Variants in DUSP15 observed in about 807,000 individuals in gnomAD.
DUSP15 encodes dual specificity phosphatase 15, also known as dual specificity protein phosphatase 15.
Under a neutral mutation model 26.3 loss-of-function variants are expected in DUSP15, and 23 were observed. The observed-to-expected ratio is 0.87, with a 90% CI of 0.63 to 1.24. The LOEUF (loss-of-function observed/expected upper bound fraction) is 1.24, where lower values mean the gene tolerates loss of function less well. DUSP15 is among the 50% of genes most tolerant of loss of function. The pLI is 0.00. For missense variants in DUSP15, 364 were observed against 320.6 expected (o/e 1.14, Z -1.03); for synonymous variants, 143 against 135.5 (o/e 1.06, Z -0.39).
At chr20:31,863,754 G>T in intron 5 of DUSP15, 153 bp downstream of exon 5, 1 of 694,512 alleles carries the variant, frequency 1.4e-6, no homozygotes, top group Non-Finnish European at 2.5e-6. Context: ...TCCCGGGTTG[G>T]CCTCTCTCCA....
In DUSP15 at chr20:31,861,167, C is replaced by G; in HGVS notation, c.*236G>C. ...CGCCGCCTTTAAGGGTGGGCCCCCT[C>G]CCCCAGCCCAAGGACTAAGGCACCA... is the stretch of plus-strand genomic sequence containing the variant. On this transcript the variant is annotated 3_prime_UTR_variant, in exon 7 of 7. Coordinates refer to ENST00000339738, the MANE Select transcript of DUSP15 (RefSeq NM_080611.5). 1 of 1,332,834 alleles carries G rather than the reference C, an allele frequency of 7.5e-7. No individual in the cohort carries two copies. Among genetic ancestry groups the G allele is most frequent in the Non-Finnish European group, 9.5e-7 (1 of 1,048,292 alleles). The allele number at this position is 1,332,834 out of a possible 1,614,324, so 82.6% of individuals were successfully genotyped here.
chr20:31,849,186 C>T (rs1291410599), intron 8 of DUSP15, among the ~76,000 whole-genome samples: 3 of 152,048 alleles, frequency 2.0e-5, no homozygotes, highest in Non-Finnish European at 4.4e-5. Context: ...ATACCTATCT[C>T]GTGCTTGGTG....
downstream of DUSP15, chr20:31,860,968 C>T: frequency 1.0e-6 from 1 of 990,808 alleles, no homozygotes; most frequent in Non-Finnish European, 1.2e-6. Context: ...CAGGCTCCCT[C>T]GCATCCCCTT....
chr20:31,859,441 C>A (rs1434262613), downstream of DUSP15, among the ~76,000 whole-genome samples: 2 of 152,204 alleles, frequency 1.3e-5, no homozygotes, highest in Non-Finnish European at 2.9e-5. Context: ...ACTCCCTGCA[C>A]CTTTGCACAG....
intron 4 of DUSP15, 51 bp downstream of exon 4, chr20:31,864,902 C>T: frequency 6.3e-7 from 1 of 1,593,706 alleles, no homozygotes; most frequent in Non-Finnish European, 8.6e-7. Context: ...CCCTCCCCCA[C>T]CACAGAAGGC....
In DUSP15 at chr20:31,870,506, AC is replaced by A. The variant is rs2062900328; in HGVS notation, c.-170del. 18 of 1,400,072 alleles carry A rather than the reference AC, an allele frequency of 1.3e-5. No individual in the cohort carries two copies. The highest frequency in any genetic ancestry group is 8.8e-5 in the Admixed American group (3 of 33,964). 86.7% of individuals were successfully genotyped at this position (1,400,072 alleles called of 1,614,324 possible). A position where few individuals can be genotyped will look rare whatever the true frequency, so the allele number is the denominator to read the frequency against. ...GCCCAGCCACCGCCACCGCCCGCCG[AC>A]CCCCGGCCCGGGAGGGAAATGGTGG... On this transcript the variant is annotated 5_prime_UTR_variant, in exon 1 of 7. Transcript: ENST00000339738. This position sits in a 1 kb window ranked among gnomAD's most constrained non-coding sequence, Gnocchi z 6.6.
At chr20:31,867,374 C>A (rs1226559457) in intron 2 of DUSP15, among the ~76,000 whole-genome samples, 11 of 152,192 alleles carry the variant, frequency 7.2e-5, no homozygotes, top group Admixed American at 7.2e-4. Flanking sequence ...TCCAAAACAC[C>A]CTTCCCAGGC....
chr20:31,845,601 G>A (rs2123155396), downstream of DUSP15: 1 of 1,586,446 alleles, frequency 6.3e-7, no homozygotes, highest in Non-Finnish European at 8.6e-7. Flanking sequence ...TCCAGGGCTG[G>A]CGTCCGGAAT....
chr20:31,846,107 CAGACACACAG>C (rs140260150), downstream of DUSP15, among the ~76,000 whole-genome samples: 44,580 of 149,570 alleles, frequency 0.3, 8,342 homozygotes, highest in African/African-American at 0.52. Flanking sequence ...CATACACGTA[CAGACACACAG>C]AGACACACAG....
downstream of DUSP15, chr20:31,845,689 G>A (rs932860618): frequency 5.4e-6 from 5 of 925,864 alleles, no homozygotes; most frequent in African/African-American, 6.7e-5. Flanking sequence ...GGTCTGCTGA[G>A]CCATCCTCCC....
chr20:31,849,671 C>T, intron 8 of DUSP15: 3 of 1,529,104 alleles, frequency 2.0e-6, no homozygotes, highest in South Asian at 2.4e-5. Context: ...AGCTGCACAC[C>T]GCGCTCCAGG....
chr20:31,863,839 G>T, intron 5 of DUSP15, 68 bp downstream of exon 5: 1 of 1,460,212 alleles, frequency 6.8e-7, no homozygotes, highest in Non-Finnish European at 9.6e-7. Flanking sequence ...CACAGGGGGA[G>T]TGTGTGTTCA....
intron 4 of DUSP15, chr20:31,864,544 A>G (rs1281759002): frequency 2.5e-6 from 2 of 805,258 alleles, no homozygotes; most frequent in Non-Finnish European, 3.0e-6. Flanking sequence ...GACTCTGATC[A>G]TGCACTCCTG....
At chr20:31,869,469 C>T in intron 2 of DUSP15, 95 bp downstream of exon 2, 1 of 1,517,184 alleles carries the variant, frequency 6.6e-7, no homozygotes, top group Non-Finnish European at 9.0e-7. Context: ...CCCCCAACCC[C>T]ATTCCTGAGA....
chr20:31,851,316 C>T (rs2062465884), intron 6 of DUSP15, among the ~76,000 whole-genome samples: 1 of 151,408 alleles, frequency 6.6e-6, no homozygotes, highest in South Asian at 2.1e-4. Context: ...AATGAGCTGT[C>T]GACGATGGCG....
downstream of DUSP15, among the ~76,000 whole-genome samples, chr20:31,846,161 C>T (rs1568646410): frequency 3.8e-5 from 5 of 129,918 alleles, no homozygotes; most frequent in African/African-American, 1.9e-4. Flanking sequence ...CACACACAGA[C>T]ATAAGCACAC....
At chr20:31,846,261 TACAC>T (rs1377687005), downstream of DUSP15, among the ~76,000 whole-genome samples, 71 of 100,936 alleles carry the variant, frequency 7.0e-4, no homozygotes, top group Middle Eastern at 0.026. Flanking sequence ...CACAGAGACA[TACAC>T]ACACAGAAAC....
At chr20:31,856,505 A>C (rs1253198377), downstream of DUSP15, among the ~76,000 whole-genome samples, 1 of 152,198 alleles carries the variant, frequency 6.6e-6, no homozygotes, top group African/African-American at 2.4e-5. Flanking sequence ...GAGAGCTGAC[A>C]GAAATGGGTT....
chr20:31,846,247 GAC>G (rs766672932), downstream of DUSP15, among the ~76,000 whole-genome samples: 96 of 143,154 alleles, frequency 6.7e-4, no homozygotes, highest in Middle Eastern at 3.6e-3. Flanking sequence ...CACATACACA[GAC>G]ACACAGAGAC....
Sources: gnomAD v4.1 joint callset for allele counts (sites outside exome capture counted in the v4.1 genomes callset) on GRCh38, gnomAD v4.1.1 for gene constraint, Gnocchi (gnomAD v3.1) non-coding constraint, MANE v1.5 for transcripts, NCBI Gene and HGNC (gene_info 2026-07-23, HGNC 2026-07-21) for gene names.